The following PHKB variants were observed in gnomAD, a reference collection of about 807,000 sequenced individuals.
PHKB encodes the protein phosphorylase kinase regulatory subunit beta, also known as phosphorylase b kinase regulatory subunit beta.
A neutral mutation model predicts 152.1 loss-of-function variants in PHKB; 122 were observed. That is an observed-to-expected ratio of 0.80 (90% CI 0.69 to 0.93). The LOEUF (loss-of-function observed/expected upper bound fraction) is 0.93. Ranked by LOEUF, PHKB falls within the 40% of genes least tolerant of loss-of-function variation. PHKB has a pLI of 0.00. For missense variants in PHKB, 1,304 were observed against 1,328.4 expected (o/e 0.98, Z 0.29); for synonymous variants, 436 against 464.9 (o/e 0.94, Z 0.80).
chr16:47,498,534 T>C (rs923560944), intron 2 of PHKB, among the ~76,000 whole-genome samples: 28 of 152,232 alleles, frequency 1.8e-4, no homozygotes, highest in African/African-American at 6.0e-4. Flanking sequence ...AAATCAGCCA[T>C]GAGTGGTGGT....
intron 27 of PHKB, among the ~76,000 whole-genome samples, chr16:47,691,295 A>G (rs1448634587): frequency 6.6e-6 from 1 of 152,252 alleles, no homozygotes; most frequent in Non-Finnish European, 1.5e-5. Context: ...ATTCTGGATC[A>G]AAACAAGAAT....
At chr16:47,546,903 C>T (rs894077924) in intron 6 of PHKB, among the ~76,000 whole-genome samples, 4 of 152,142 alleles carry the variant, frequency 2.6e-5, no homozygotes, top group Non-Finnish European at 4.4e-5. Context: ...CCATGGGACC[C>T]GCTGAGCAAG....
intron 9 of PHKB, among the ~76,000 whole-genome samples, chr16:47,588,588 C>G (rs958288866): frequency 2.6e-5 from 4 of 152,032 alleles, no homozygotes; most frequent in Admixed American, 2.0e-4. Flanking sequence ...TAGGTTGTTT[C>G]CTCTTTTTCA....
At chr16:47,604,857 T>C (rs1218406158) in intron 13 of PHKB, among the ~76,000 whole-genome samples, 1 of 152,182 alleles carries the variant, frequency 6.6e-6, no homozygotes, top group East Asian at 1.9e-4. Context: ...AATTCTTGAT[T>C]ATCTTGGAGG....
In PHKB at chr16:47,695,696, C is replaced by T. The variant is rs996382240; in HGVS notation, c.2896-685C>T. Among the ~76,000 whole-genome samples, 6 of 152,304 alleles carry T rather than the reference C, an allele frequency of 3.9e-5. No homozygotes were observed. The South Asian group carries it at 1.2e-3, about 32-fold the overall frequency. ...TCTAGTCACCCCATCTGCCTTCCAC[C>T]ATACAAGCCTAATGTTCAGAGCCTT... On this transcript the variant is annotated intron_variant, in intron 28 of 30. Transcript: ENST00000323584.
At chr16:47,470,674 C>T (rs980274064) in intron 1 of PHKB, among the ~76,000 whole-genome samples, 3 of 152,052 alleles carry the variant, frequency 2.0e-5, no homozygotes, top group Non-Finnish European at 4.4e-5. Flanking sequence ...TCTGGCAGAC[C>T]CTATTACCCA....
At chr16:47,596,668 A>G in intron 13 of PHKB, 137 bp downstream of exon 13, 2 of 730,030 alleles carry the variant, frequency 2.7e-6, no homozygotes, top group Non-Finnish European at 4.7e-6. Context: ...GTTTCCTAGT[A>G]TCTAGTGGTA....
chr16:47,581,392 G>A (rs1021630636), intron 8 of PHKB, among the ~76,000 whole-genome samples: 1 of 152,116 alleles, frequency 6.6e-6, no homozygotes, highest in African/African-American at 2.4e-5. Flanking sequence ...TTCCTGGATG[G>A]ATGGATGGAT....
At chr16:47,638,737 C>A (rs1387297593) in intron 14 of PHKB, among the ~76,000 whole-genome samples, 2 of 152,174 alleles carry the variant, frequency 1.3e-5, no homozygotes, top group African/African-American at 4.8e-5. Context: ...TATTCGTATT[C>A]TAACATGGAG....
At chr16:47,626,324 G>C (rs546706341) in intron 14 of PHKB, among the ~76,000 whole-genome samples, 83 of 152,228 alleles carry the variant, frequency 5.5e-4, no homozygotes, top group African/African-American at 1.9e-3. Context: ...GTAGTTGTTG[G>C]GTTTGACCCA....
chr16:47,627,092 C>T (rs550465995), intron 14 of PHKB, among the ~76,000 whole-genome samples: 21 of 152,122 alleles, frequency 1.4e-4, no homozygotes, highest in Non-Finnish European at 3.1e-4. Flanking sequence ...TTCTAAATGA[C>T]CAAAAAACCT....
intron 14 of PHKB, among the ~76,000 whole-genome samples, chr16:47,638,611 G>T (rs980016179): frequency 6.6e-6 from 1 of 152,136 alleles, no homozygotes; most frequent in African/African-American, 2.4e-5. Context: ...AGGTAGATCT[G>T]CCAAAGAAAG....
rs1970413631 is a variant in PHKB at position 47,506,108 on chromosome 16, C to CTTTG, written c.405+3019_405+3022dup. ...ATGGCTCACGCCTGTAATCCCAGCA[C>CTTTG]TTTGGGAGGCTGAGGCAGGCAGGTA... On this transcript the variant is annotated intron_variant, in intron 4 of 30. Transcript: ENST00000323584. Among the ~76,000 whole-genome samples, 3 of 149,356 alleles carry CTTTG rather than the reference C, an allele frequency of 2.0e-5. No individual in the cohort carries two copies. The South Asian group carries it at 6.3e-4, about 32-fold the overall frequency.
At chr16:47,634,275 G>C (rs1972878029) in intron 14 of PHKB, among the ~76,000 whole-genome samples, 1 of 152,148 alleles carries the variant, frequency 6.6e-6, no homozygotes, top group South Asian at 2.1e-4. Context: ...TATTTTACAT[G>C]CCCTCTTTTG....
chr16:47,470,370 C>T (rs977767676), intron 1 of PHKB, among the ~76,000 whole-genome samples: 1 of 152,238 alleles, frequency 6.6e-6, no homozygotes, highest in Non-Finnish European at 1.5e-5. Flanking sequence ...ACAGATCCCT[C>T]ATGCTATTGT....
rs1970716703 is a variant in PHKB, at chr16:47,523,369, A to G, written c.594+7768A>G. ...TTCTGTGAATTATGTATTCTTTGTC[A>G]TAGGTGGCCATTGAGGTCTTTGCTG... On this transcript the variant is annotated intron_variant, in intron 6 of 30. Transcript: ENST00000323584. Among the ~76,000 whole-genome samples the G allele has an allele frequency of 3.3e-5, 5 of 152,284 alleles. No homozygotes were observed. The South Asian group carries it at 8.3e-4, about 25-fold the overall frequency.
At chr16:47,508,151 A>G (rs1449552165) in intron 4 of PHKB, among the ~76,000 whole-genome samples, 2 of 152,200 alleles carry the variant, frequency 1.3e-5, no homozygotes, top group East Asian at 3.8e-4. Flanking sequence ...TTTTAAATTG[A>G]TTATGAATTT....
At chr16:47,481,141 G>A (rs1402323322) in intron 1 of PHKB, among the ~76,000 whole-genome samples, 6 of 152,068 alleles carry the variant, frequency 3.9e-5, no homozygotes, top group Non-Finnish European at 8.8e-5. Flanking sequence ...TTTCTGGGAT[G>A]TTTGACAACT....
chr16:47,582,221 G>A (rs1971859609), intron 8 of PHKB, among the ~76,000 whole-genome samples: 2 of 152,152 alleles, frequency 1.3e-5, no homozygotes, highest in Admixed American at 6.5e-5. Context: ...GTAGTAGCCA[G>A]CTCTTTTTTG....
Sources: allele counts gnomAD v4.1 joint callset (sites outside exome capture counted in the v4.1 genomes callset), GRCh38; gene constraint gnomAD v4.1.1; transcripts MANE v1.5; gene names NCBI Gene and HGNC (gene_info 2026-07-23, HGNC 2026-07-21).